ACTL6A: variants seen among roughly 807,000 people sequenced by gnomAD.
ACTL6A encodes the protein actin like 6A, also known as actin-like protein 6A.
ACTL6A carries 5 observed loss-of-function variants against 59.2 expected under a neutral mutation model. That is an observed-to-expected ratio of 0.08 (90% CI 0.04 to 0.18). The LOEUF is 0.18. ACTL6A is among the 10% of genes least tolerant of loss of function. The pLI is 1.00. For missense variants in ACTL6A, 285 were observed against 526.9 expected (o/e 0.54, Z 4.49); for synonymous variants, 154 against 171.8 (o/e 0.90, Z 0.81).
chr3:179,565,355 C>T lies in ACTL6A; in HGVS notation c.25+2238C>T, dbSNP rs369225835. Among the ~76,000 whole-genome samples the T allele has an allele frequency of 6.6e-5, 10 of 150,656 alleles. No individual in the cohort carries two copies. The East Asian group carries it at 1.8e-3, about 26-fold the overall frequency. On this transcript the variant is annotated intron_variant, in intron 1 of 13. Transcript: ENST00000429709. ...GGGAGGCCGAGGCACAAGAATCGCT[C>T]GAACCTGGAACTGCACTCCAGCCTG...
intron 8 of ACTL6A, among the ~76,000 whole-genome samples, chr3:179,579,582 G>A (rs1576855879): frequency 6.6e-6 from 1 of 152,190 alleles, no homozygotes; most frequent in East Asian, 1.9e-4. Flanking sequence ...GAGGCAAGGA[G>A]TTCAAGACTA....
chr3:179,575,271 C>T (rs1718132670), intron 5 of ACTL6A: 3 of 410,740 alleles, frequency 7.3e-6, no homozygotes, highest in Non-Finnish European at 1.4e-5. Flanking sequence ...TCTCTTGCTT[C>T]TTGGTCTTCC....
intron 1 of ACTL6A, among the ~76,000 whole-genome samples, chr3:179,563,547 T>G (rs537029066): frequency 1.8e-4 from 27 of 152,248 alleles, no homozygotes; most frequent in Admixed American, 1.6e-3. Flanking sequence ...TCCCGGCGGT[T>G]TGCAAGCGTG....
Position 179,570,382 on chromosome 3 carries a change from C to T in ACTL6A, c.277+141C>T. The T allele has an allele frequency of 1.4e-6, 1 of 733,790 alleles. No individual in the cohort carries two copies. Among genetic ancestry groups the T allele is most frequent in the Non-Finnish European group, 2.1e-6 (1 of 475,778 alleles). The allele number at this position is 733,790 out of a possible 1,614,324, so 45.5% of individuals were successfully genotyped here. Reference sequence around the variant, plus strand: ...TTTATTCCACAAACTGATTTCCAGACACTGAGAATACAAAGATGCATAAGA... The same window carrying T: ...TTTATTCCACAAACTGATTTCCAGATACTGAGAATACAAAGATGCATAAGA... On this transcript the variant is annotated intron_variant, in intron 3 of 13. Coordinates refer to ENST00000429709, the MANE Select transcript of ACTL6A (RefSeq NM_004301.5). The surrounding 1 kb of genome is among the most constrained non-coding windows in gnomAD (Gnocchi z 4.3).
chr3:179,570,423 T>A lies in ACTL6A; in HGVS notation c.277+182T>A. On this transcript the variant is annotated intron_variant, in intron 3 of 13. Coordinates refer to ENST00000429709, the MANE Select transcript of ACTL6A (RefSeq NM_004301.5). This position sits in a 1 kb window ranked among gnomAD's most constrained non-coding sequence, Gnocchi z 4.3. ...ATGCATAAGAAATGTTCCTTTTCAT[T>A]AAAAGCTTACAGTTAGTTGGGGGAA... The A allele has an allele frequency of 1.8e-6, 1 of 568,662 alleles. No individual in the cohort carries two copies. Among genetic ancestry groups the A allele is most frequent in the Non-Finnish European group, 3.0e-6 (1 of 337,202 alleles). 35.2% of individuals were successfully genotyped at this position (568,662 alleles called of 1,614,324 possible).
At chr3:179,585,829 T>C (rs1210796791) in intron 12 of ACTL6A, among the ~76,000 whole-genome samples, 4 of 152,180 alleles carry the variant, frequency 2.6e-5, no homozygotes, top group African/African-American at 9.7e-5. Flanking sequence ...AATTGTGTTA[T>C]CAAGAGAAAA....
Position 179,564,106 on chromosome 3 carries a change from CACGCGTCATT to C in ACTL6A, c.25+990_25+999del, listed in dbSNP as rs1281637908. On this transcript the variant is annotated intron_variant, in intron 1 of 13. Transcript: ENST00000429709. ...CAAGCCTGTTAGAAATGCAGGATCT[CACGCGTCATT>C]CAGAATCTACTGATTTAGAGCCTCC... is the stretch of plus-strand genomic sequence containing the variant. 2.5e-4 allele frequency among the ~76,000 whole-genome samples: 38 copies of C among 152,310 alleles called. No individual in the cohort carries two copies. In the Middle Eastern group the frequency reaches 0.01, roughly 41 times the overall value.
At chr3:179,571,252 T>A (rs750265744) in intron 3 of ACTL6A, among the ~76,000 whole-genome samples, 1 of 151,926 alleles carries the variant, frequency 6.6e-6, no homozygotes, top group Admixed American at 6.6e-5. Flanking sequence ...CGAAACCCCA[T>A]CTCTACTAAA....
Position 179,569,345 on chromosome 3 carries a change from G to C in ACTL6A, c.26-479G>C, listed in dbSNP as rs141147461. ...GTTATCATTATAGTACTGGGGTACTGTACTGTCCCTTCTGGTTGTCCTGTA... is the reference window on the plus strand; with the variant it reads ...GTTATCATTATAGTACTGGGGTACTCTACTGTCCCTTCTGGTTGTCCTGTA... On this transcript the variant is annotated intron_variant, in intron 1 of 13. Transcript: ENST00000429709. 1.7e-3 allele frequency among the ~76,000 whole-genome samples: 252 copies of C among 152,314 alleles called. 1 individual carries two copies. The highest frequency in any genetic ancestry group is 8.4e-4 in the Non-Finnish European group (57 of 68,028).
intron 8 of ACTL6A, 141 bp downstream of exon 8, chr3:179,577,054 A>G (rs979373999): frequency 8.6e-6 from 5 of 578,250 alleles, no homozygotes; most frequent in South Asian, 5.7e-5. Flanking sequence ...TTATTACTAA[A>G]TACATTTTGA....
Position 179,562,961 on chromosome 3 carries a change from T to C in ACTL6A, c.-132T>C. The C allele has an allele frequency of 8.0e-7, 1 of 1,242,400 alleles. No individual in the cohort carries two copies. The highest frequency in any genetic ancestry group is 1.1e-6 in the Non-Finnish European group (1 of 877,260). 77.0% of individuals were successfully genotyped at this position (1,242,400 alleles called of 1,614,324 possible). ...GAGCTCCGGGGTGTGTGGACGCCGC[T>C]TTGTTGCCTGAGGTGGGTGGCGGTG... On this transcript the variant is annotated 5_prime_UTR_variant, in exon 1 of 14. Transcript: ENST00000429709.
At position 179,588,304 on chromosome 3, in the gene ACTL6A, G is replaced by A. The variant is rs748838860; in HGVS notation, c.*294G>A. 7.3e-6 allele frequency: 2 copies of A among 273,198 alleles called. No homozygotes were observed. Among genetic ancestry groups the A allele is most frequent in the Non-Finnish European group, 1.3e-5 (2 of 148,446 alleles). 16.9% of individuals were successfully genotyped at this position (273,198 alleles called of 1,614,324 possible). The stretch of plus-strand genomic sequence containing the variant: ...ACTCTGTTTAGTGTATTAATTACCA[G>A]TGGATTGGTAGAACTGCTTTTTATT... On this transcript the variant is annotated 3_prime_UTR_variant, in exon 14 of 14. Coordinates refer to ENST00000429709, the MANE Select transcript of ACTL6A (RefSeq NM_004301.5).
At chr3:179,564,180 C>T (rs1198592653) in intron 1 of ACTL6A, among the ~76,000 whole-genome samples, 1 of 152,154 alleles carries the variant, frequency 6.6e-6, no homozygotes, top group African/African-American at 2.4e-5. Flanking sequence ...AACACTGATA[C>T]ATATAATTCA....
chr3:179,573,214 C>G (rs1718065168), intron 3 of ACTL6A, 155 bp from the exon 4 acceptor site: 1 of 517,236 alleles, frequency 1.9e-6, no homozygotes, highest in Admixed American at 4.3e-5. Context: ...AAGGTAATCT[C>G]TATATAAAGT....
intron 1 of ACTL6A, among the ~76,000 whole-genome samples, chr3:179,566,763 C>T (rs946029672): frequency 1.1e-4 from 17 of 152,276 alleles, no homozygotes; most frequent in South Asian, 4.2e-4. Flanking sequence ...GATCTCAGCT[C>T]GTTGCAGCCT....
At chr3:179,578,390 G>A (rs6790039) in intron 8 of ACTL6A, among the ~76,000 whole-genome samples, 65,772 of 152,014 alleles carry the variant, frequency 0.43, 16,653 homozygotes, top group East Asian at 0.64. Context: ...GGAGATGGAT[G>A]TTGCAGTGAG....
rs970479485 is a variant in ACTL6A at position 179,563,234 on chromosome 3, C to A, written c.25+117C>A. On this transcript the variant is annotated intron_variant, in intron 1 of 13. Transcript: ENST00000429709. Reference sequence around the variant, plus strand: ...TTCCGGTCTCCCCCTCTCGGGACCCCGGCCTCCCCGCCCCGTCCCCGCCCC... The same window carrying A: ...TTCCGGTCTCCCCCTCTCGGGACCCAGGCCTCCCCGCCCCGTCCCCGCCCC... The A allele has an allele frequency of 1.3e-5, 19 of 1,457,864 alleles. No homozygotes were observed. The South Asian group carries it at 2.4e-4, about 18-fold the overall frequency. The allele number at this position is 1,457,864 out of a possible 1,614,324, so 90.3% of individuals were successfully genotyped here.
chr3:179,586,478 A>AAG, intron 12 of ACTL6A, 68 bp from the exon 13 acceptor site: 17 of 1,198,400 alleles, frequency 1.4e-5, no homozygotes, highest in African/African-American at 4.9e-5. Flanking sequence ...AAAAAAAAAA[A>AAG]AAAAAAAAGA....
intron 3 of ACTL6A, among the ~76,000 whole-genome samples, chr3:179,571,860 A>G (rs572535708): frequency 4.0e-5 from 6 of 151,846 alleles, no homozygotes; most frequent in Non-Finnish European, 8.8e-5. Context: ...ATAGCGAGCT[A>G]CCCTTACCAT....
Sources: gnomAD v4.1 joint callset for allele counts (sites outside exome capture counted in the v4.1 genomes callset) on GRCh38, gnomAD v4.1.1 for gene constraint, Gnocchi (gnomAD v3.1) non-coding constraint, MANE v1.5 for transcripts, NCBI Gene and HGNC (gene_info 2026-07-23, HGNC 2026-07-21) for gene names.